The following FRMPD2 variants were observed in gnomAD, a reference collection of about 807,000 sequenced individuals.
FRMPD2 encodes FERM and PDZ domain-containing protein 2.
A neutral mutation model predicts 140.1 loss-of-function variants in FRMPD2; 96 were observed. That is an observed-to-expected ratio of 0.69 (90% CI 0.58 to 0.81). The LOEUF is 0.81. Ranked by LOEUF, FRMPD2 falls within the 40% of genes least tolerant of loss-of-function variation. The pLI is 0.00. For missense variants in FRMPD2, 1,240 were observed against 1,447.4 expected, an observed-to-expected ratio of 0.86 and a Z score of 2.32; for synonymous variants, 449 against 547.6, an observed-to-expected ratio of 0.82 and a Z score of 2.52.
chr10:48,159,687 A>T (rs1440999048), intron 28 of FRMPD2, among the ~76,000 whole-genome samples: 1 of 151,678 alleles, frequency 6.6e-6, no homozygotes, highest in Non-Finnish European at 1.5e-5. Context: ...TTGCTTTCTT[A>T]AATAAATGAC....
chr10:48,228,874 A>G (rs10857550), intron 10 of FRMPD2, among the ~76,000 whole-genome samples: 31,967 of 151,986 alleles, frequency 0.21, 3,711 homozygotes, highest in African/African-American at 0.31. Context: ...AAAAAGTGAT[A>G]TCAATAAAAC....
At chr10:48,258,191 C>T (rs1840521334) in intron 1 of FRMPD2, among the ~76,000 whole-genome samples, 1 of 152,186 alleles carries the variant, frequency 6.6e-6, no homozygotes, top group African/African-American at 2.4e-5. Context: ...GAGATCTGAA[C>T]AAAACTTGCC....
At chr10:48,193,498 C>T (rs1410324826) in intron 15 of FRMPD2, among the ~76,000 whole-genome samples, 2 of 152,154 alleles carry the variant, frequency 1.3e-5, no homozygotes, top group Non-Finnish European at 2.9e-5. Context: ...TAATAAATAA[C>T]TTTGATGAAG....
chr10:48,217,930 C>T lies in FRMPD2; in HGVS notation c.1455+4383G>A, dbSNP rs146241100. Among the ~76,000 whole-genome samples the T allele has an allele frequency of 2.0e-5, 3 of 152,318 alleles. No individual in the cohort carries two copies. In the East Asian group the frequency reaches 5.8e-4, roughly 29 times the overall value. On this transcript the variant is annotated intron_variant, in intron 12 of 28. Coordinates refer to ENST00000374201, the MANE Select transcript of FRMPD2 (RefSeq NM_001018071.4). ...CTTCTCAGACTCAGGGTGTACTAAT[C>T]TACTAGGGTTGCCATAACAAATACT...
rs750317787 is a variant in FRMPD2, at chr10:48,232,105, AG to A, written c.1168+9del. The A allele has an allele frequency of 6.2e-7, 1 of 1,614,028 alleles. No individual in the cohort carries two copies. Among genetic ancestry groups the A allele is most frequent in the South Asian group, 1.1e-5 (1 of 91,084 alleles). Reference sequence around the variant, plus strand: ...CCAGGCCAGCTGTGAGCTGCCCAAGAGATGCTTACTTTTCATATACGCCAAG... The same window carrying A: ...CCAGGCCAGCTGTGAGCTGCCCAAGAATGCTTACTTTTCATATACGCCAAG... On this transcript the variant is annotated intron_variant, in intron 10 of 28. Coordinates refer to ENST00000374201, the MANE Select transcript of FRMPD2 (RefSeq NM_001018071.4).
Position 48,158,154 on chromosome 10 carries a change from G to C in FRMPD2, c.3882-784C>G, listed in dbSNP as rs1192666320. On this transcript the variant is annotated intron_variant, in intron 28 of 28. Coordinates refer to ENST00000374201, the MANE Select transcript of FRMPD2 (RefSeq NM_001018071.4). Reference sequence around the variant, plus strand: ...AGAGACCTAGGGAAGCCATCAGCCTGAGAGGCAAGAGGCAAGGCTTCATCT... The same window carrying C: ...AGAGACCTAGGGAAGCCATCAGCCTCAGAGGCAAGAGGCAAGGCTTCATCT... Among the ~76,000 whole-genome samples, 13 of 151,440 alleles carry C rather than the reference G, an allele frequency of 8.6e-5. 1 individual carries two copies. The highest frequency in any genetic ancestry group is 1.8e-4 in the Non-Finnish European group (12 of 67,850).
At chr10:48,216,112 C>T (rs745544095) in intron 12 of FRMPD2, among the ~76,000 whole-genome samples, 1 of 152,204 alleles carries the variant, frequency 6.6e-6, no homozygotes, top group Non-Finnish European at 1.5e-5. Context: ...ACTGGAACTG[C>T]ACCATTGGCC....
chr10:48,267,160 A>G (rs1311882359), intron 1 of FRMPD2, among the ~76,000 whole-genome samples: 1 of 152,204 alleles, frequency 6.6e-6, no homozygotes, highest in Non-Finnish European at 1.5e-5. Flanking sequence ...TTCAGTCGCT[A>G]TTGCTCATCA....
intron 20 of FRMPD2, 40 bp downstream of exon 20, chr10:48,184,526 G>C (rs1434634849): frequency 3.2e-6 from 4 of 1,242,068 alleles, no homozygotes; most frequent in Non-Finnish European, 4.7e-6. Context: ...CCTGAAAACA[G>C]GGGAGCCTCT....
chr10:48,174,740 A>C (rs1235776574), intron 24 of FRMPD2, 130 bp downstream of exon 24: 18 of 818,302 alleles, frequency 2.2e-5, no homozygotes, highest in Non-Finnish European at 3.1e-5. Flanking sequence ...TGGAAGAGAA[A>C]AAAAAAACTA....
rs374320487 is a variant in FRMPD2 at position 48,192,844 on chromosome 10, G to A, written c.2005C>T (p.Arg669Trp). 42 of 1,614,082 alleles carry A rather than the reference G, an allele frequency of 2.6e-5. No homozygotes were observed. Among genetic ancestry groups the A allele is most frequent in the Middle Eastern group, 1.6e-4 (1 of 6,062 alleles). The change falls in exon 16 of 29, where the codon CGG (arginine) becomes TGG (tryptophan). Residue 669 changes from arginine (R) to tryptophan (W), a missense_variant. Arg to Trp is a moderately radical substitution (Grantham distance 101). Transcript: ENST00000374201. Reference sequence around the variant, plus strand: ...TGAATCCAAATGAGAGGCTTAGACCGGGCCTGGTGTGCAGGACTCAAATTG... The same window carrying A: ...TGAATCCAAATGAGAGGCTTAGACCAGGCCTGGTGTGCAGGACTCAAATTG... ...MANLSPAHQA[R>W]SKPLIWIQRL...
chr10:48,214,873 C>T (rs1474225583), intron 12 of FRMPD2, among the ~76,000 whole-genome samples: 1 of 152,132 alleles, frequency 6.6e-6, no homozygotes, highest in Non-Finnish European at 1.5e-5. Flanking sequence ...GGCTGCCAAT[C>T]CAGAGGATCA....
At chr10:48,223,320 C>A in intron 10 of FRMPD2, 50 bp from the exon 11 acceptor site, 4 of 1,563,842 alleles carry the variant, frequency 2.6e-6, no homozygotes, top group Non-Finnish European at 3.5e-6. Context: ...AGGGATTGCA[C>A]CATCTCTCAG....
chr10:48,162,023 G>A (rs186556840), intron 28 of FRMPD2, among the ~76,000 whole-genome samples: 3,392 of 150,296 alleles, frequency 0.023, 130 homozygotes, highest in African/African-American at 0.08. Flanking sequence ...CCAAACAAGT[G>A]CCTCCTCCCT....
At chr10:48,242,409 C>T (rs1322184718) in intron 4 of FRMPD2, 57 bp from the exon 5 acceptor site, 2 of 1,499,752 alleles carry the variant, frequency 1.3e-6, no homozygotes, top group Admixed American at 1.9e-5. Flanking sequence ...CACTACGAGG[C>T]CAGCACCTTG....
At chr10:48,263,116 A>T (rs553371930) in intron 1 of FRMPD2, among the ~76,000 whole-genome samples, 1 of 152,328 alleles carries the variant, frequency 6.6e-6, no homozygotes, top group Non-Finnish European at 1.5e-5. Flanking sequence ...TTTTTAACTA[A>T]ACAAAAATGA....
intron 2 of FRMPD2, among the ~76,000 whole-genome samples, chr10:48,249,756 A>T (rs1840331951): frequency 6.6e-6 from 1 of 152,148 alleles, no homozygotes; most frequent in Admixed American, 6.5e-5. Context: ...CTGGACCTTA[A>T]TGCCTAGGAG....
intron 1 of FRMPD2, among the ~76,000 whole-genome samples, chr10:48,263,176 C>G (rs1840623975): frequency 6.6e-6 from 1 of 152,018 alleles, no homozygotes; most frequent in East Asian, 1.9e-4. Flanking sequence ...AGTACTTATA[C>G]AGAGACTTCT....
chr10:48,264,661 C>T (rs1025376001), intron 1 of FRMPD2, among the ~76,000 whole-genome samples: 2 of 151,922 alleles, frequency 1.3e-5, no homozygotes, highest in African/African-American at 4.8e-5. Context: ...TTTTTAAAAT[C>T]TAAATAAAGG....
Sources: allele counts gnomAD v4.1 joint callset (sites outside exome capture counted in the v4.1 genomes callset), GRCh38; gene constraint gnomAD v4.1.1; transcripts MANE v1.5; gene names NCBI Gene and HGNC (gene_info 2026-07-23, HGNC 2026-07-21).